COL4A3: variants seen among roughly 807,000 people sequenced by gnomAD.
The protein encoded by COL4A3 is collagen type IV alpha 3 chain, also known as collagen alpha-3(IV) chain.
Under a neutral mutation model 217.4 loss-of-function variants are expected in COL4A3, and 135 were observed. The ratio of observed to expected loss-of-function variants is 0.62; its 90% CI spans 0.54 to 0.72. COL4A3 has a LOEUF of 0.72. COL4A3 is among the 30% of genes least tolerant of loss of function. The pLI, the probability that COL4A3 is intolerant of heterozygous loss-of-function variation, is 0.00. For missense variants in COL4A3, 1,868 were observed against 2,119.9 expected (o/e 0.88, Z 2.33); for synonymous variants, 690 against 736.3 (o/e 0.94, Z 1.02).
Position 227,245,039 on chromosome 2 carries a change from G to C in COL4A3, c.324+44G>C, listed in dbSNP as rs2069247085. 2.6e-6 allele frequency: 4 copies of C among 1,565,914 alleles called. No homozygotes were observed. In the Admixed American group the frequency reaches 6.7e-5, roughly 26 times the overall value. ...CCGTAGCTAGAAAATTTAAAAGTAA[G>C]CTCATTTTAATAAAGATGTTAAAAC... On this transcript the variant is annotated intron_variant, in intron 5 of 51. Coordinates refer to ENST00000396578, the MANE Select transcript of COL4A3 (RefSeq NM_000091.5).
chr2:227,183,647 T>C (rs940155909), intron 1 of COL4A3, among the ~76,000 whole-genome samples: 7 of 152,202 alleles, frequency 4.6e-5, no homozygotes, highest in Admixed American at 4.6e-4. Context: ...GGCAGGCTTA[T>C]GGAAGCCATG....
intron 1 of COL4A3, among the ~76,000 whole-genome samples, chr2:227,186,754 T>C (rs2066047166): frequency 6.6e-6 from 1 of 151,852 alleles, no homozygotes; most frequent in Admixed American, 6.6e-5. Context: ...ATAGAAAAGG[T>C]TTTTGTCTTA....
intron 26 of COL4A3, among the ~76,000 whole-genome samples, chr2:227,275,691 CT>C (rs2071514193): frequency 1.3e-5 from 2 of 152,104 alleles, no homozygotes; most frequent in Non-Finnish European, 2.9e-5. Context: ...GGTAGGCATT[CT>C]TTCCCCCGCG....
chr2:227,260,352 T>G (rs549600870), intron 19 of COL4A3, among the ~76,000 whole-genome samples: 44 of 152,320 alleles, frequency 2.9e-4, no homozygotes, highest in African/African-American at 1.0e-3. Context: ...TCTGGGCCAA[T>G]CCCTCTCATC....
chr2:227,298,023 G>C (rs1014676732), intron 42 of COL4A3, among the ~76,000 whole-genome samples, 164 bp downstream of exon 42: 4 of 152,114 alleles, frequency 2.6e-5, no homozygotes, highest in Admixed American at 6.5e-5. Flanking sequence ...TCAAGGCAAG[G>C]TAGCCTGTTT....
In COL4A3 at chr2:227,293,242, C is replaced by A. The variant is rs2072859830; in HGVS notation, c.3262C>A (p.Pro1088Thr). ...DMGKKGEMGQ[P>T]GPPGHLGPAG... ...GGGAAAGAAAGGAGAAATGGGGCAACCTGGCCCACCTGGACATTTGGGGCC... is the reference window on the plus strand; with the variant it reads ...GGGAAAGAAAGGAGAAATGGGGCAAACTGGCCCACCTGGACATTTGGGGCC... The change falls in exon 38 of 52, where the codon CCT (proline) becomes ACT (threonine). Residue 1088 changes from proline (P) to threonine (T), a missense_variant. Physicochemically the swap from Pro to Thr is conservative, Grantham distance 38 (BLOSUM62 -1). Transcript: ENST00000396578. 2.5e-6 allele frequency: 4 copies of A among 1,613,840 alleles called. No individual in the cohort carries two copies. Among genetic ancestry groups the A allele is most frequent in the Admixed American group, 1.7e-5 (1 of 60,020 alleles).
At chr2:227,303,513 C>T (rs2073378854) in intron 44 of COL4A3, among the ~76,000 whole-genome samples, 1 of 152,160 alleles carries the variant, frequency 6.6e-6, no homozygotes, top group African/African-American at 2.4e-5. Context: ...CATGGTAGAA[C>T]AGGTTTTAAT....
In COL4A3 at chr2:227,188,766, A is replaced by G. The variant is rs78082647; in HGVS notation, c.87+23953A>G. On this transcript the variant is annotated intron_variant, in intron 1 of 51. Coordinates refer to ENST00000396578, the MANE Select transcript of COL4A3 (RefSeq NM_000091.5). ...ATATCATTTCCTAATTCATTAACTC[A>G]TTCAACAAATATTTATAAGGCACTT... 3.6e-3 allele frequency among the ~76,000 whole-genome samples: 549 copies of G among 152,296 alleles called. 6 individuals carry two copies. Among genetic ancestry groups the G allele is most frequent in the African/African-American group, 0.012 (519 of 41,558 alleles).
rs115266881 is a variant in COL4A3, at chr2:227,276,166, A to G, written c.1928-219A>G. ...GTAAACAGGAAACAGGTTAAAACAA[A>G]GTTTAGACGATTGTCTACACTTATA... On this transcript the variant is annotated intron_variant, in intron 26 of 51. Transcript: ENST00000396578. Among the ~76,000 whole-genome samples the G allele has an allele frequency of 4.4e-3, 678 of 152,386 alleles. 5 individuals are homozygous for G. The highest frequency in any genetic ancestry group is 0.015 in the African/African-American group (639 of 41,598).
In COL4A3 at chr2:227,270,810, A is replaced by T; in HGVS notation, c.1616A>T (p.Glu539Val). ...CAGGGTGACCCAGGACTTAAAGGAG[A>T]AAAAGGTGAAACACTTCAGCCTGAG... ...GAQGDPGLKG[E>V]KGETLQPEGQ... Residue 539 changes from glutamate (E) to valine (V), a missense_variant, in exon 25 of 52, where the codon GAA (glutamate) becomes GTA (valine). Glu to Val is a moderately radical substitution (Grantham distance 121, BLOSUM62 -2). This residue lies in a region of COL4A3 where 1,503 missense variants were observed against 1,786.1 expected (regional missense o/e 0.84). Coordinates refer to ENST00000396578, the MANE Select transcript of COL4A3 (RefSeq NM_000091.5). The T allele has an allele frequency of 6.2e-7, 1 of 1,614,028 alleles. No homozygotes were observed. Among genetic ancestry groups the T allele is most frequent in the Non-Finnish European group, 8.5e-7 (1 of 1,179,924 alleles).
intron 1 of COL4A3, among the ~76,000 whole-genome samples, chr2:227,205,463 C>T (rs2067065618): frequency 1.3e-5 from 2 of 151,990 alleles, no homozygotes; most frequent in African/African-American, 4.8e-5. Context: ...TTGAGACATA[C>T]AATGCTTCTA....
chr2:227,273,257 G>A, intron 26 of COL4A3, 140 bp downstream of exon 26: 1 of 933,510 alleles, frequency 1.1e-6, no homozygotes, highest in Non-Finnish European at 1.7e-6. Context: ...CAGATACCAG[G>A]AAAGAATATG....
At chr2:227,204,958 G>A (rs761431823) in intron 1 of COL4A3, among the ~76,000 whole-genome samples, 8 of 152,160 alleles carry the variant, frequency 5.3e-5, no homozygotes, top group African/African-American at 7.2e-5. Flanking sequence ...GTGCAACAGC[G>A]GTGATGGAAA....
At chr2:227,295,427 A>G (rs1038227159) in intron 41 of COL4A3, 111 bp downstream of exon 41, 11 of 899,068 alleles carry the variant, frequency 1.2e-5, no homozygotes, top group Non-Finnish European at 1.9e-5. Context: ...AGATGTTCCA[A>G]TAGTAATACA....
At chr2:227,204,141 G>T (rs2125764926) in intron 1 of COL4A3, among the ~76,000 whole-genome samples, 1 of 152,222 alleles carries the variant, frequency 6.6e-6, no homozygotes, top group African/African-American at 2.4e-5. Flanking sequence ...TCAACTCCAA[G>T]AATCCAAGAT....
intron 6 of COL4A3, 132 bp from the exon 7 acceptor site, chr2:227,246,553 G>A: frequency 1.4e-6 from 1 of 737,190 alleles, no homozygotes; most frequent in Admixed American, 2.1e-5. Context: ...TCATGACCCA[G>A]TAGCCATAAG....
At chr2:227,274,323 T>C (rs1268504869) in intron 26 of COL4A3, among the ~76,000 whole-genome samples, 7 of 152,078 alleles carry the variant, frequency 4.6e-5, no homozygotes, top group Admixed American at 3.9e-4. Context: ...CTAAATCATT[T>C]TGTAGTGTCT....
Position 227,253,739 on chromosome 2 carries a change from A to G in COL4A3, c.765+101A>G. ...TTACAAGCTCTTGTTATCTAAGTCC[A>G]GCTCAGCCCAGCTCCCTCAGCCAGC... On this transcript the variant is annotated intron_variant, in intron 13 of 51. Transcript: ENST00000396578. This position sits in a 1 kb window ranked among gnomAD's most constrained non-coding sequence, Gnocchi z 4.4. The G allele has an allele frequency of 1.0e-6, 1 of 992,962 alleles. No individual in the cohort carries two copies. Among genetic ancestry groups the G allele is most frequent in the Non-Finnish European group, 1.6e-6 (1 of 615,636 alleles). 61.5% of individuals were successfully genotyped at this position (992,962 alleles called of 1,614,324 possible).
intron 43 of COL4A3, chr2:227,302,049 C>T (rs2073307385): frequency 6.6e-6 from 1 of 152,252 alleles, no homozygotes; most frequent in Admixed American, 6.5e-5. Flanking sequence ...ATTTAGCATA[C>T]ATTTTGACAA....
Sources: gnomAD v4.1 joint callset for allele counts (sites outside exome capture counted in the v4.1 genomes callset) on GRCh38, gnomAD v4.1.1 for gene constraint, gnomAD v4.1.1 regional missense constraint, Gnocchi (gnomAD v3.1) non-coding constraint, MANE v1.5 for transcripts, NCBI Gene and HGNC (gene_info 2026-07-23, HGNC 2026-07-21) for gene names.